The following SATB2 variants were observed in gnomAD, a reference collection of about 807,000 sequenced individuals.
SATB2 encodes the protein SATB homeobox 2.
SATB2 carries 1 observed loss-of-function variant against 73.4 expected under a neutral mutation model. That is an observed-to-expected ratio of 0.01 (90% confidence interval 0.00 to 0.06). The LOEUF is 0.06. SATB2 is among the 10% of genes least tolerant of loss of function. The pLI is 1.00. For synonymous variants in SATB2, 397 were observed against 367.0 expected (o/e 1.08, Z -0.93); for missense variants, 459 against 945.8 (o/e 0.49, Z 6.75).
intron 10 of SATB2, among the ~76,000 whole-genome samples, chr2:199,281,119 C>T (rs575443474): frequency 4.0e-5 from 6 of 151,650 alleles, no homozygotes; most frequent in Non-Finnish European, 8.8e-5. Context: ...CAGGTTCCCC[C>T]GATACTTGGG....
intron 8 of SATB2, among the ~76,000 whole-genome samples, chr2:199,326,793 T>C (rs190657402): frequency 3.9e-5 from 6 of 152,262 alleles, no homozygotes; most frequent in Admixed American, 2.0e-4. Context: ...ACAAAAATGC[T>C]TGGTTATACT....
intron 3 of SATB2, among the ~76,000 whole-genome samples, chr2:199,391,333 TGAGGCAGGAGAATGGCGTGAACCCGG>T (rs1246356844): frequency 6.8e-6 from 1 of 147,724 alleles, no homozygotes; most frequent in African/African-American, 2.5e-5. Flanking sequence ...CTTGGGAGGC[TGAGGCAGGAGAATGGCGTGAACCCGG>T]GAGGCAGAGG....
At position 199,381,758 on chromosome 2, in the gene SATB2, C is replaced by T. The variant is rs1454219036; in HGVS notation, c.409G>A (p.Ala137Thr). ...TCTTGTAGCATGTCGGCCACTGTCG[C>T]GTCGGGTGCATCTGTCACATAACTG... ...PLSYVTDAPD[A>T]TVADMLQDVY... is the part of the protein sequence containing the mutation. Residue 137 changes from alanine to threonine, a missense_variant, in exon 4 of 11, where the codon GCG becomes ACG. This residue lies in a region of SATB2 where 56 missense variants were observed against 183.7 expected (regional missense o/e 0.30). Transcript: ENST00000417098. The T allele has an allele frequency of 6.2e-7, 1 of 1,613,982 alleles. No homozygotes were observed. The highest frequency in any genetic ancestry group is 1.3e-5 in the African/African-American group (1 of 74,910).
chr2:199,428,898 C>CA (rs1375742624), intron 3 of SATB2, among the ~76,000 whole-genome samples: 1 of 151,404 alleles, frequency 6.6e-6, no homozygotes, highest in Non-Finnish European at 1.5e-5. Flanking sequence ...CCCAGCTACT[C>CA]AGGAGGCTGA....
rs772526126 is a variant in SATB2, at chr2:199,464,435, A to G, written c.-141+401T>C. On this transcript the variant is annotated intron_variant, in intron 1 of 11. Coordinates refer to the SATB2 transcript ENST00000260926. The surrounding 1 kb of genome is among the most constrained non-coding windows in gnomAD (Gnocchi z 6.6). ...CCACCATTTCCACGCGCGCGCGCGC[A>G]CACACACACACACACACACAGAGGG... 1.5e-3 allele frequency among the ~76,000 whole-genome samples: 182 copies of G among 122,704 alleles called. No homozygotes were observed. The highest frequency in any genetic ancestry group is 4.1e-3 in the Middle Eastern group (1 of 246). The allele number at this position is 122,704 out of a possible 152,430, so 80.5% of individuals were successfully genotyped here. A position where few individuals can be genotyped will look rare whatever the true frequency, so the allele number is the denominator to read the frequency against.
At chr2:199,432,365 A>G (rs879918424) in intron 3 of SATB2, among the ~76,000 whole-genome samples, 5 of 152,226 alleles carry the variant, frequency 3.3e-5, no homozygotes, top group Non-Finnish European at 5.9e-5. Flanking sequence ...TCAATGTTTA[A>G]TCTCTCATAG....
intron 6 of SATB2, among the ~76,000 whole-genome samples, chr2:199,364,446 C>A (rs889301307): frequency 6.6e-6 from 1 of 152,140 alleles, no homozygotes; most frequent in South Asian, 2.1e-4. Context: ...GGAAGTAACA[C>A]TGGTTTTTAA....
At chr2:199,354,637 A>G (rs1688919149) in intron 6 of SATB2, among the ~76,000 whole-genome samples, 1 of 152,226 alleles carries the variant, frequency 6.6e-6, no homozygotes, top group Non-Finnish European at 1.5e-5. Flanking sequence ...GAAAGGTACC[A>G]GTCCAGGGAC....
intron 3 of SATB2, among the ~76,000 whole-genome samples, chr2:199,416,840 T>A (rs1406187323): frequency 6.6e-6 from 1 of 151,992 alleles, no homozygotes; most frequent in Non-Finnish European, 1.5e-5. Context: ...ATCGAGACCA[T>A]CCTGGCTAAC....
chr2:199,429,009 A>T (rs1036890003), intron 3 of SATB2, among the ~76,000 whole-genome samples: 1 of 150,908 alleles, frequency 6.6e-6, no homozygotes, highest in Non-Finnish European at 1.5e-5. Flanking sequence ...CTGTCTCAAA[A>T]AAAAAAAAAA....
At chr2:199,442,097 G>A (rs1691832621) in intron 2 of SATB2, among the ~76,000 whole-genome samples, 1 of 152,132 alleles carries the variant, frequency 6.6e-6, no homozygotes, top group Non-Finnish European at 1.5e-5. Flanking sequence ...CCCTGAGCCT[G>A]ACCTATATAG....
At chr2:199,408,562 C>T (rs997864138) in intron 3 of SATB2, among the ~76,000 whole-genome samples, 1 of 151,518 alleles carries the variant, frequency 6.6e-6, no homozygotes, top group Non-Finnish European at 1.5e-5. Flanking sequence ...AAAGTAATTG[C>T]GATTTTTGCC....
chr2:199,307,124 C>G (rs999948114), intron 10 of SATB2, among the ~76,000 whole-genome samples: 8 of 151,754 alleles, frequency 5.3e-5, no homozygotes, highest in Non-Finnish European at 8.8e-5. Flanking sequence ...AGTGGAGATG[C>G]CGGGGGAGTG....
chr2:199,287,129 G>C (rs759424105), intron 10 of SATB2, among the ~76,000 whole-genome samples: 3 of 152,180 alleles, frequency 2.0e-5, no homozygotes, highest in Non-Finnish European at 4.4e-5. Flanking sequence ...AGTTAATCCA[G>C]CTGGCTCTAT....
At chr2:199,425,961 T>C (rs1691314361) in intron 3 of SATB2, among the ~76,000 whole-genome samples, 1 of 152,190 alleles carries the variant, frequency 6.6e-6, no homozygotes, top group African/African-American at 2.4e-5. Flanking sequence ...AATTGTGTTC[T>C]CCAAATAGTG....
chr2:199,455,598 T>C lies in SATB2; in HGVS notation c.169+271A>G, dbSNP rs894715700. ...GCTCTCTAGGAAAATCTAGAAACAG[T>C]TAGCTGGCTGTGACATAAACCTGCC... On this transcript the variant is annotated intron_variant, in intron 2 of 10. Coordinates refer to ENST00000417098, the MANE Select transcript of SATB2 (RefSeq NM_001172509.2). The surrounding 1 kb of genome is among the most constrained non-coding windows in gnomAD (Gnocchi z 4.1). Among the ~76,000 whole-genome samples, 3 of 152,186 alleles carry C rather than the reference T, an allele frequency of 2.0e-5. No homozygotes were observed. The highest frequency in any genetic ancestry group is 4.4e-5 in the Non-Finnish European group (3 of 68,032).
chr2:199,290,561 G>C (rs959044476), intron 10 of SATB2, among the ~76,000 whole-genome samples: 1 of 152,142 alleles, frequency 6.6e-6, no homozygotes, highest in Non-Finnish European at 1.5e-5. Context: ...TTACCGAAAA[G>C]AGCTGAGTTA....
At chr2:199,348,294 A>G (rs1688713356) in intron 7 of SATB2, 1 of 155,718 alleles carries the variant, frequency 6.4e-6, no homozygotes, top group Non-Finnish European at 1.4e-5. Flanking sequence ...AACGTTCAAA[A>G]CCAAGGGAAA....
chr2:199,414,213 C>A (rs1351365955), intron 3 of SATB2, among the ~76,000 whole-genome samples: 1 of 152,222 alleles, frequency 6.6e-6, no homozygotes, highest in African/African-American at 2.4e-5. Context: ...CAAAATCTTG[C>A]AGTCTTGTCA....
Sources: allele counts gnomAD v4.1 joint callset (sites outside exome capture counted in the v4.1 genomes callset), GRCh38; gene constraint gnomAD v4.1.1; regional missense constraint gnomAD v4.1.1; non-coding constraint Gnocchi (gnomAD v3.1); transcripts MANE v1.5; gene names NCBI Gene and HGNC (gene_info 2026-07-23, HGNC 2026-07-21).